The following ZC3H7A variants were observed in gnomAD, a reference collection of about 807,000 sequenced individuals.
ZC3H7A encodes zinc finger CCCH domain-containing protein 7A.
Under a neutral mutation model 125.5 loss-of-function variants are expected in ZC3H7A, and 44 were observed. The observed-to-expected ratio is 0.35, with a 90% confidence interval of 0.28 to 0.45. The LOEUF (loss-of-function observed/expected upper bound fraction) is 0.45. ZC3H7A is among the 20% of genes least tolerant of loss of function. The pLI is 1.00. For synonymous variants in ZC3H7A, 399 were observed against 391.2 expected (o/e 1.02, Z -0.23); for missense variants, 977 against 1,170.7 (o/e 0.83, Z 2.41).
At chr16:11,796,480 C>G (rs537772070) in intron 1 of ZC3H7A, 1 of 152,728 alleles carries the variant, frequency 6.5e-6, no homozygotes, top group East Asian at 1.9e-4. Flanking sequence ...GACTCAGGCT[C>G]GACCTCGGAG....
chr16:11,791,072 TAAAATA>T (rs958795133), intron 1 of ZC3H7A, among the ~76,000 whole-genome samples: 3 of 140,134 alleles, frequency 2.1e-5, no homozygotes, highest in African/African-American at 8.2e-5. Context: ...ACCCTGTCTC[TAAAATA>T]AATTTTTAAA....
At chr16:11,766,331 G>A (rs28707002) in intron 13 of ZC3H7A, among the ~76,000 whole-genome samples, 5,325 of 152,260 alleles carry the variant, frequency 0.035, 328 homozygotes, top group African/African-American at 0.12. Flanking sequence ...TTGGGAGGCC[G>A]AGGCAGGCAG....
At chr16:11,752,891 T>A in intron 21 of ZC3H7A, 59 bp from the exon 22 acceptor site, 1 of 1,566,126 alleles carries the variant, frequency 6.4e-7, no homozygotes, top group Non-Finnish European at 8.6e-7. Flanking sequence ...CCAGACTCAA[T>A]TCCAGGGAGC....
In ZC3H7A at chr16:11,774,268, C is replaced by T. The variant is rs769044142; in HGVS notation, c.871G>A (p.Asp291Asn). ...GTTTCATTAGTTTCAGGTGCAGAATCAAGCAGGTCATCTAGTTCATCTCCA... is the reference window on the plus strand; with the variant it reads ...GTTTCATTAGTTTCAGGTGCAGAATTAAGCAGGTCATCTAGTTCATCTCCA... ...VLGDELDDLL[D>N]SAPETNETVM... Residue 291 changes from aspartate (D) to asparagine (N), a missense_variant, in exon 9 of 23, where the codon GAT becomes AAT. Transcript: ENST00000355758. 1.9e-6 allele frequency: 3 copies of T among 1,605,802 alleles called. No homozygotes were observed.
At chr16:11,768,643 T>C in intron 11 of ZC3H7A, 142 bp from the exon 12 acceptor site, 1 of 754,366 alleles carries the variant, frequency 1.3e-6, no homozygotes, top group Non-Finnish European at 1.9e-6. Context: ...AATGCTCTTC[T>C]ATCTTAAAAA....
chr16:11,791,222 C>G (rs2053346319), intron 1 of ZC3H7A, among the ~76,000 whole-genome samples: 1 of 151,918 alleles, frequency 6.6e-6, no homozygotes, highest in South Asian at 2.1e-4. Context: ...TAGCAGACCC[C>G]CATCCCCAAG....
chr16:11,761,665 A>G (rs1267717743), intron 18 of ZC3H7A, 154 bp from the exon 19 acceptor site: 2 of 862,168 alleles, frequency 2.3e-6, no homozygotes, highest in African/African-American at 1.7e-5. Flanking sequence ...TTCACTTCCT[A>G]TTGTCATTTA....
chr16:11,756,548 C>T (rs28464354), intron 20 of ZC3H7A, among the ~76,000 whole-genome samples, 178 bp from the exon 21 acceptor site: 6,477 of 152,184 alleles, frequency 0.043, 482 homozygotes, highest in African/African-American at 0.15. Context: ...TAAACTCTCA[C>T]GCATAAGAAC....
At chr16:11,751,939 T>A (rs908664143) in intron 22 of ZC3H7A, among the ~76,000 whole-genome samples, 2 of 150,702 alleles carry the variant, frequency 1.3e-5, no homozygotes, top group Non-Finnish European at 3.0e-5. Context: ...AGTCTCACTG[T>A]TTGTTGCCCA....
At position 11,779,331 on chromosome 16, in the gene ZC3H7A, A is replaced by G. The variant is rs762442492; in HGVS notation, c.141T>C (p.Phe47=). The G allele has an allele frequency of 3.8e-5, 61 of 1,613,852 alleles. No homozygotes were observed. Among genetic ancestry groups the G allele is most frequent in the Non-Finnish European group, 4.7e-5 (55 of 1,179,974 alleles). The change falls in exon 4 of 23, where the codon TTT becomes TTC. Residue 47 remains phenylalanine (F), a synonymous_variant. Coordinates refer to ENST00000355758, the MANE Select transcript of ZC3H7A (RefSeq NM_014153.4). ...VYLRALVRNL[F]NEGNDVYREH... ...CCCGATAAACGTCATTTCCTTCATT[A>G]AAAAGATTTCTCACGAGAGCACGCA... is the stretch of plus-strand genomic sequence containing the variant.
At position 11,751,166 on chromosome 16, in the gene ZC3H7A, A is replaced by G; in HGVS notation, c.*151T>C. On this transcript the variant is annotated 3_prime_UTR_variant, in exon 23 of 23. Coordinates refer to ENST00000355758, the MANE Select transcript of ZC3H7A (RefSeq NM_014153.4). ...CGTGGCCAGGCCTGTGAAACAGCCC[A>G]TTTTCCTACCTACTGTGGGTTGCTG... 1.4e-5 allele frequency: 11 copies of G among 788,148 alleles called. No homozygotes were observed. Among genetic ancestry groups the G allele is most frequent in the Non-Finnish European group, 2.1e-5 (11 of 519,752 alleles). The allele number at this position is 788,148 out of a possible 1,614,324, so 48.8% of individuals were successfully genotyped here.
At chr16:11,794,170 G>T (rs912769398) in intron 1 of ZC3H7A, among the ~76,000 whole-genome samples, 3 of 152,150 alleles carry the variant, frequency 2.0e-5, no homozygotes, top group Non-Finnish European at 1.5e-5. Context: ...CCACCACGAT[G>T]TACCCAAGAC....
intron 1 of ZC3H7A, among the ~76,000 whole-genome samples, chr16:11,783,856 C>A (rs1432489408): frequency 6.6e-6 from 1 of 152,168 alleles, no homozygotes. Context: ...TAAACCCTTT[C>A]TTCTTTGAAA....
In ZC3H7A at chr16:11,756,187, G is replaced by T. The variant is rs369749450; in HGVS notation, c.2562+50C>A. The T allele has an allele frequency of 3.6e-5, 57 of 1,574,184 alleles. No individual in the cohort carries two copies. In the Admixed American group the frequency reaches 4.5e-4, roughly 12 times the overall value. On this transcript the variant is annotated intron_variant, in intron 21 of 22. Transcript: ENST00000355758. The stretch of plus-strand genomic sequence containing the variant: ...AAAAAAAAGAAAAGGGAAAAGAAAG[G>T]CTCCATCAATGGCTCGGCAAAGAGA...
At position 11,765,772 on chromosome 16, in the gene ZC3H7A, C is replaced by A. The variant is rs924501399; in HGVS notation, c.1523-87G>T. ...CTTGGGAGGCTGAGGTGGGAGGATC[C>A]CTTGAGCCCAGGAGTTCAAGGCTGC... On this transcript the variant is annotated intron_variant, in intron 13 of 22. Coordinates refer to ENST00000355758, the MANE Select transcript of ZC3H7A (RefSeq NM_014153.4). This position sits in a 1 kb window ranked among gnomAD's most constrained non-coding sequence, Gnocchi z 4.8. 2.2e-6 allele frequency: 3 copies of A among 1,366,016 alleles called. No homozygotes were observed. Among genetic ancestry groups the A allele is most frequent in the African/African-American group, 2.9e-5 (2 of 69,150 alleles). The allele number at this position is 1,366,016 out of a possible 1,614,324, so 84.6% of individuals were successfully genotyped here. A position where few individuals can be genotyped will look rare whatever the true frequency, so the allele number is the denominator to read the frequency against.
chr16:11,782,400 C>A lies in ZC3H7A; in HGVS notation c.-34-12G>T, dbSNP rs1287307439. ...TCTAAATGAGCAATCTGGAAAGAAA[C>A]AAGGCAAAAAAGCACATAAGGTACC... On this transcript the variant is annotated splice_polypyrimidine_tract_variant and intron_variant, in intron 1 of 22. Coordinates refer to ENST00000355758, the MANE Select transcript of ZC3H7A (RefSeq NM_014153.4). 1.9e-6 allele frequency: 3 copies of A among 1,610,642 alleles called. No individual in the cohort carries two copies. The highest frequency in any genetic ancestry group is 2.5e-6 in the Non-Finnish European group (3 of 1,178,180).
chr16:11,772,462 A>T (rs2053002195), intron 9 of ZC3H7A, among the ~76,000 whole-genome samples: 1 of 151,792 alleles, frequency 6.6e-6, no homozygotes, highest in Non-Finnish European at 1.5e-5. Context: ...GCTCTCTCAG[A>T]TACATCCTAC....
In ZC3H7A at chr16:11,765,289, T is replaced by C. The variant is rs969840356; in HGVS notation, c.1720-136A>G. 31 of 673,730 alleles carry C rather than the reference T, an allele frequency of 4.6e-5. No homozygotes were observed. The Admixed American group carries it at 6.0e-4, about 13-fold the overall frequency. The allele number at this position is 673,730 out of a possible 1,614,324, so 41.7% of individuals were successfully genotyped here. On this transcript the variant is annotated intron_variant, in intron 14 of 22. Transcript: ENST00000355758. This position sits in a 1 kb window ranked among gnomAD's most constrained non-coding sequence, Gnocchi z 4.8. ...TTAATATTCTTTTTGGTAACAGTAA[T>C]AGCCAACATTTACTGAATGAATGTT... is the stretch of plus-strand genomic sequence containing the variant.
At chr16:11,768,672 TTC>T (rs760527491) in intron 11 of ZC3H7A, among the ~76,000 whole-genome samples, 171 bp from the exon 12 acceptor site, 1 of 152,210 alleles carries the variant, frequency 6.6e-6, no homozygotes. Context: ...TTCTACATTT[TTC>T]TCTCTTTTGG....
Sources: gnomAD v4.1 joint callset for allele counts (sites outside exome capture counted in the v4.1 genomes callset) on GRCh38, gnomAD v4.1.1 for gene constraint, Gnocchi (gnomAD v3.1) non-coding constraint, MANE v1.5 for transcripts, NCBI Gene and HGNC (gene_info 2026-07-23, HGNC 2026-07-21) for gene names.